Variants in TGM7 observed in about 807,000 individuals in gnomAD.
The protein encoded by TGM7 is transglutaminase 7.
In TGM7, 74 loss-of-function variants were observed where a neutral mutation model predicts 79.5. The ratio of observed to expected loss-of-function variants is 0.93; its 90% CI spans 0.77 to 1.13. The LOEUF (loss-of-function observed/expected upper bound fraction) is 1.13, where lower values mean the gene tolerates loss of function less well. Ranked by LOEUF, TGM7 falls within the 50% of genes most tolerant of loss-of-function variation. The probability of loss-of-function intolerance (pLI) is 0.00; values close to 1 mark genes in which losing one functional copy is unlikely to be tolerated. For synonymous variants in TGM7, 354 were observed against 362.5 expected (o/e 0.98, Z 0.27); for missense variants, 912 against 905.9 (o/e 1.01, Z -0.09).
chr15:43,281,376 T>C (rs536286648), intron 9 of TGM7, among the ~76,000 whole-genome samples: 122 of 152,324 alleles, frequency 8.0e-4, no homozygotes, highest in African/African-American at 2.8e-3. Context: ...CCCCTTGCCA[T>C]GGACATAGGG....
rs780008799 is a variant in TGM7 at position 43,293,610 on chromosome 15, G to C, written c.32C>G (p.Ser11Cys). 7 of 1,607,254 alleles carry C rather than the reference G, an allele frequency of 4.4e-6. No individual in the cohort carries two copies. The highest frequency in any genetic ancestry group is 1.1e-5 in the South Asian group (1 of 90,750). MDQVATLRLESVDLQSSRNNK... is the reference protein window; with the variant it reads MDQVATLRLECVDLQSSRNNK... ...GTTCCTGGAGCTCTGCAGGTCGACA[G>C]ACTCAAGCCGCAAGGTTGCCACTAG... is the stretch of plus-strand genomic sequence containing the variant. Residue 11 changes from serine to cysteine, a missense_variant, in exon 2 of 13, where the codon TCT (serine) becomes TGT (cysteine). By Grantham distance (112) the Ser-to-Cys change is moderately radical. Transcript: ENST00000452443.
intron 7 of TGM7, among the ~76,000 whole-genome samples, chr15:43,283,444 G>T (rs930963514): frequency 6.6e-6 from 1 of 151,610 alleles, no homozygotes; most frequent in African/African-American, 2.4e-5. Flanking sequence ...TTGTTACATT[G>T]GGATTTGAAA....
chr15:43,279,693 A>G lies in TGM7; in HGVS notation c.1610T>C (p.Leu537Pro). The stretch of plus-strand genomic sequence containing the variant: ...GGGCTTCTGGGTACCACCCCCATGC[A>G]GCAGGGCCTGTGCACAGAAGCGCAC... ...LVVRFCAQALLHGGGTQKPFW... is the reference protein window; with the variant it reads ...LVVRFCAQALPHGGGTQKPFW... The change falls in exon 10 of 13, where the codon CTG becomes CCG. Residue 537 changes from leucine (L) to proline (P), a missense_variant. Coordinates refer to ENST00000452443, the MANE Select transcript of TGM7 (RefSeq NM_052955.3). The G allele has an allele frequency of 6.2e-7, 1 of 1,613,814 alleles. No homozygotes were observed. Among genetic ancestry groups the G allele is most frequent in the Non-Finnish European group, 8.5e-7 (1 of 1,179,928 alleles).
At chr15:43,299,984 T>C (rs1270228207) in intron 1 of TGM7, among the ~76,000 whole-genome samples, 1 of 152,150 alleles carries the variant, frequency 6.6e-6, no homozygotes, top group Admixed American at 6.5e-5. Context: ...AACATATCTC[T>C]CCAATCTTAT....
At chr15:43,291,625 G>A (rs1018861725) in intron 4 of TGM7, among the ~76,000 whole-genome samples, 13 of 152,186 alleles carry the variant, frequency 8.5e-5, no homozygotes, top group Admixed American at 6.5e-5. Context: ...GCCACATTTG[G>A]TCTGTGGGCT....
At chr15:43,279,522 A>G in intron 10 of TGM7, 103 bp downstream of exon 10, 2 of 1,383,272 alleles carry the variant, frequency 1.4e-6, no homozygotes, top group Non-Finnish European at 2.0e-6. Context: ...TGTGTGTTGG[A>G]GGAAGGGGTC....
intron 4 of TGM7, among the ~76,000 whole-genome samples, chr15:43,291,100 G>T (rs998540274): frequency 6.6e-6 from 1 of 152,166 alleles, no homozygotes; most frequent in Non-Finnish European, 1.5e-5. Flanking sequence ...CCAACACTAT[G>T]TTAAATAGGA....
intron 4 of TGM7, among the ~76,000 whole-genome samples, chr15:43,287,956 T>A (rs886996075): frequency 1.3e-5 from 2 of 151,928 alleles, no homozygotes; most frequent in African/African-American, 4.8e-5. Context: ...AGAGAAGGCT[T>A]TGGTGCCAAT....
chr15:43,286,921 C>T (rs1371981066), intron 6 of TGM7, among the ~76,000 whole-genome samples: 3 of 152,188 alleles, frequency 2.0e-5, no homozygotes, highest in African/African-American at 4.8e-5. Flanking sequence ...TATCTCACGC[C>T]ATCTACTTCC....
chr15:43,280,832 T>C (rs761822359), intron 9 of TGM7, among the ~76,000 whole-genome samples: 9 of 152,114 alleles, frequency 5.9e-5, no homozygotes, highest in Non-Finnish European at 1.2e-4. Context: ...AAGGCTAGCA[T>C]GCGGAATAAG....
chr15:43,293,320 G>T, intron 2 of TGM7, 129 bp downstream of exon 2: 1 of 1,222,394 alleles, frequency 8.2e-7, no homozygotes, highest in Non-Finnish European at 1.1e-6. Context: ...GAGCATGAGG[G>T]GTCTGGGGCT....
intron 9 of TGM7, 58 bp from the exon 10 acceptor site, chr15:43,280,009 C>T: frequency 1.3e-6 from 2 of 1,534,562 alleles, no homozygotes; most frequent in Non-Finnish European, 1.8e-6. Flanking sequence ...GGACCAGTGA[C>T]TTTCCTGGGG....
rs150608262 is a variant in TGM7 at position 43,279,913 on chromosome 15, G to A, written c.1390C>T (p.Arg464Trp). 36 of 1,614,098 alleles carry A rather than the reference G, an allele frequency of 2.2e-5. No individual in the cohort carries two copies. The highest frequency in any genetic ancestry group is 4.0e-5 in the African/African-American group (3 of 74,934). ...EERAVFMKAS[R>W]KMLGPQRASL... The stretch of plus-strand genomic sequence containing the variant: ...GCTCTTTGGGGGCCCAGCATTTTCC[G>A]AGAAGCCTTCATGAAGACAGCTCTC... The change falls in exon 10 of 13, where the codon CGG becomes TGG. Residue 464 changes from arginine (R) to tryptophan (W), a missense_variant. Arg to Trp is a moderately radical substitution (Grantham distance 101). Coordinates refer to ENST00000452443, the MANE Select transcript of TGM7 (RefSeq NM_052955.3).
Position 43,279,787 on chromosome 15 carries a change from G to A in TGM7, c.1516C>T (p.Leu506=). ...LARIPEWGQD[L]QLLLRIQRVP... is the part of the protein sequence containing the mutation. ...CTCTGGATACGCAGCAGCAGCTGCA[G>A]GTCCTGGCCCCACTCGGGTATCCTG... Residue 506 remains leucine (L), a synonymous_variant, in exon 10 of 13, where the codon CTG becomes TTG. Transcript: ENST00000452443. 1 of 1,614,166 alleles carries A rather than the reference G, an allele frequency of 6.2e-7. No homozygotes were observed. The highest frequency in any genetic ancestry group is 8.5e-7 in the Non-Finnish European group (1 of 1,180,022).
intron 7 of TGM7, among the ~76,000 whole-genome samples, chr15:43,283,315 T>C (rs2042918873): frequency 6.6e-6 from 1 of 152,224 alleles, no homozygotes; most frequent in African/African-American, 2.4e-5. Context: ...CCTAATGATG[T>C]TGTTTAGAGC....
intron 6 of TGM7, 122 bp from the exon 7 acceptor site, chr15:43,285,074 A>G (rs941687150): frequency 3.9e-5 from 41 of 1,062,726 alleles, no homozygotes; most frequent in Non-Finnish European, 5.4e-5. Context: ...GAACCACACC[A>G]GTAACTCCTT....
chr15:43,290,941 T>TATCA (rs2142414221), intron 4 of TGM7, among the ~76,000 whole-genome samples: 1 of 152,362 alleles, frequency 6.6e-6, no homozygotes, highest in South Asian at 2.1e-4. Context: ...TGAAGTTGTC[T>TATCA]ATCAGCTTAA....
rs768030689 is a variant in TGM7, at chr15:43,282,019, G to A, written c.1176C>T (p.Asp392=). 1.2e-6 allele frequency: 2 copies of A among 1,614,202 alleles called. No homozygotes were observed. The highest frequency in any genetic ancestry group is 1.7e-6 in the Non-Finnish European group (2 of 1,180,022). The change falls in exon 9 of 13, where the codon GAC becomes GAT. Residue 392 remains aspartate (D), a synonymous_variant. Transcript: ENST00000452443. The stretch of plus-strand genomic sequence containing the variant: ...TCACCTCGGCATACACAAAAGGGGT[G>A]TCATAGGCCAGGTGGACATCCCCTT... ...IREGDVHLAY[D]TPFVYAEVNA... is the part of the protein sequence containing the mutation.
intron 7 of TGM7, among the ~76,000 whole-genome samples, chr15:43,283,640 A>G (rs867472753): frequency 6.6e-6 from 1 of 152,206 alleles, no homozygotes; most frequent in African/African-American, 2.4e-5. Flanking sequence ...ATGTTTCCTC[A>G]TGATTAGACT....
Sources: allele counts gnomAD v4.1 joint callset (sites outside exome capture counted in the v4.1 genomes callset), GRCh38; gene constraint gnomAD v4.1.1; transcripts MANE v1.5; gene names NCBI Gene and HGNC (gene_info 2026-07-23, HGNC 2026-07-21).